The following EXOG variants were observed in gnomAD, a reference collection of about 807,000 sequenced individuals.
EXOG encodes nuclease EXOG, mitochondrial.
A neutral mutation model predicts 25.8 loss-of-function variants in EXOG; 27 were observed. The ratio of observed to expected loss-of-function variants is 1.05; its 90% confidence interval spans 0.77 to 1.45. The LOEUF is 1.45. EXOG is among the 40% of genes most tolerant of loss of function. EXOG has a pLI of 0.00. For synonymous variants in EXOG, 133 were observed against 167.0 expected, an observed-to-expected ratio of 0.80 and a Z score of 1.57; for missense variants, 458 against 450.5, an observed-to-expected ratio of 1.02 and a Z score of -0.15.
chr3:38,507,533 G>A (rs1295498590), intron 5 of EXOG, among the ~76,000 whole-genome samples: 1 of 152,206 alleles, frequency 6.6e-6, no homozygotes, highest in Non-Finnish European at 1.5e-5. Context: ...AGGTGGACGG[G>A]TGAGATAATA....
intron 5 of EXOG, chr3:38,523,440 T>C: frequency 2.5e-6 from 1 of 406,490 alleles, no homozygotes; most frequent in Non-Finnish European, 3.3e-6. Flanking sequence ...CTCGGCTCAC[T>C]GCACCCTCTG....
At chr3:38,505,029 G>A (rs1284387715) in intron 4 of EXOG, among the ~76,000 whole-genome samples, 1 of 152,108 alleles carries the variant, frequency 6.6e-6, no homozygotes, top group African/African-American at 2.4e-5. Flanking sequence ...ATCCATAAAT[G>A]TTTCGTTACA....
intron 5 of EXOG, among the ~76,000 whole-genome samples, chr3:38,510,673 A>T (rs893518774): frequency 2.7e-5 from 4 of 150,270 alleles, no homozygotes; most frequent in Non-Finnish European, 5.9e-5. Context: ...TCAGAATTTT[A>T]AAATTATATA....
At position 38,512,173 on chromosome 3, in the gene EXOG, C is replaced by CT. The variant is rs939326465; in HGVS notation, c.645+5213dup. On this transcript the variant is annotated intron_variant, in intron 5 of 5. Coordinates refer to ENST00000287675, the MANE Select transcript of EXOG (RefSeq NM_005107.4). ...CATTAAACACGGTTTAGTCTTGATG[C>CT]TTTTTTTTCGCTCATGGCATTAAAG... Among the ~76,000 whole-genome samples, 5 of 151,874 alleles carry CT rather than the reference C, an allele frequency of 3.3e-5. No individual in the cohort carries two copies. In the South Asian group the frequency reaches 6.3e-4, roughly 19 times the overall value.
At chr3:38,514,071 G>A (rs750061566) in intron 5 of EXOG, among the ~76,000 whole-genome samples, 4 of 152,232 alleles carry the variant, frequency 2.6e-5, no homozygotes, top group African/African-American at 4.8e-5. Flanking sequence ...TCTGCTCAGT[G>A]TGACTAGAGC....
Position 38,524,117 on chromosome 3 carries a change from A to G in EXOG, c.862A>G (p.Ser288Gly), listed in dbSNP as rs1233204604. Residue 288 changes from serine to glycine, a missense_variant, in exon 6 of 6, where the codon AGT becomes GGT. Ser to Gly is a moderately conservative substitution (Grantham distance 56). This residue lies in a region of EXOG where 178 missense variants were observed against 203.7 expected (regional missense o/e 0.87). Transcript: ENST00000287675. ...GTTTTTTCCTCATTTGGATAGAACT[A>G]GTGATATCCGGAATATCTGCTCTGT... ...LVFFPHLDRT[S>G]DIRNICSVDT... 1 of 1,613,980 alleles carries G rather than the reference A, an allele frequency of 6.2e-7. No individual in the cohort carries two copies. The highest frequency in any genetic ancestry group is 1.3e-5 in the African/African-American group (1 of 74,930).
intron 3 of EXOG, among the ~76,000 whole-genome samples, chr3:38,501,764 C>T (rs941800830): frequency 4.6e-5 from 7 of 152,086 alleles, no homozygotes; most frequent in South Asian, 2.1e-4. Flanking sequence ...TTTTTTGAGA[C>T]GGAGTCTCAC....
intron 5 of EXOG, among the ~76,000 whole-genome samples, chr3:38,517,676 C>T (rs912871592): frequency 1.3e-5 from 2 of 152,204 alleles, no homozygotes; most frequent in Non-Finnish European, 2.9e-5. Context: ...GAAGGCCTTT[C>T]TCCTCTGCTT....
At chr3:38,508,711 A>C (rs201449376) in intron 5 of EXOG, among the ~76,000 whole-genome samples, 1,769 of 132,112 alleles carry the variant, frequency 0.013, 24 homozygotes, top group African/African-American at 0.04. Flanking sequence ...TTGAGGAACC[A>C]CCCCCCCCCC....
At chr3:38,520,721 A>G (rs190112947) in intron 5 of EXOG, among the ~76,000 whole-genome samples, 49 of 152,332 alleles carry the variant, frequency 3.2e-4, no homozygotes, top group Admixed American at 2.5e-3. Flanking sequence ...AAAAATTTTT[A>G]ACTAACATGT....
At chr3:38,508,942 T>C (rs2060287734) in intron 5 of EXOG, among the ~76,000 whole-genome samples, 1 of 152,182 alleles carries the variant, frequency 6.6e-6, no homozygotes, top group African/African-American at 2.4e-5. Context: ...TGTACATCCT[T>C]GGAAAATTCC....
At chr3:38,500,998 T>G (rs1016893775) in intron 2 of EXOG, among the ~76,000 whole-genome samples, 1 of 152,220 alleles carries the variant, frequency 6.6e-6, no homozygotes, top group Non-Finnish European at 1.5e-5. Flanking sequence ...CATGGGAGTC[T>G]TTTTTAAAAA....
At chr3:38,501,193 T>C (rs569940772) in intron 2 of EXOG, 162 bp from the exon 3 acceptor site, 554 of 605,284 alleles carry the variant, frequency 9.2e-4, no homozygotes, top group Non-Finnish European at 1.5e-3. Context: ...TAAATTCAGA[T>C]GAAGTATCTG....
At chr3:38,523,868 T>C in intron 5 of EXOG, 33 bp from the exon 6 acceptor site, 2 of 1,486,636 alleles carry the variant, frequency 1.3e-6, no homozygotes, top group Non-Finnish European at 1.8e-6. Context: ...TTAGCACAAA[T>C]TGGCATCACT....
At chr3:38,499,844 G>A in intron 2 of EXOG, 1 of 359,590 alleles carries the variant, frequency 2.8e-6, no homozygotes, top group South Asian at 2.1e-5. Flanking sequence ...CTAGGTTAGT[G>A]TTGGTGGGAG....
intron 2 of EXOG, among the ~76,000 whole-genome samples, chr3:38,498,585 T>G (rs1456707654): frequency 6.6e-6 from 1 of 151,802 alleles, no homozygotes; most frequent in African/African-American, 2.4e-5. Flanking sequence ...TGAGAGATTA[T>G]AACACAAGAA....
chr3:38,502,138 C>G (rs2060065253), intron 3 of EXOG, among the ~76,000 whole-genome samples: 2 of 152,168 alleles, frequency 1.3e-5, no homozygotes, highest in African/African-American at 4.8e-5. Context: ...CCAGGCTGGT[C>G]TCAAACTCCT....
intron 5 of EXOG, among the ~76,000 whole-genome samples, chr3:38,516,237 G>A (rs1172853949): frequency 2.0e-5 from 3 of 151,964 alleles, no homozygotes; most frequent in African/African-American, 4.8e-5. Flanking sequence ...AATTTGCAGA[G>A]GAGAGGACCA....
intron 5 of EXOG, among the ~76,000 whole-genome samples, chr3:38,518,791 C>A (rs1263616087): frequency 1.3e-5 from 2 of 152,182 alleles, no homozygotes; most frequent in African/African-American, 2.4e-5. Flanking sequence ...CTTCACTACA[C>A]CCTTACAAAA....
Sources: allele counts gnomAD v4.1 joint callset (sites outside exome capture counted in the v4.1 genomes callset), GRCh38; gene constraint gnomAD v4.1.1; regional missense constraint gnomAD v4.1.1; transcripts MANE v1.5; gene names NCBI Gene and HGNC (gene_info 2026-07-23, HGNC 2026-07-21).